ABR: variants seen among roughly 807,000 people sequenced by gnomAD.
The protein encoded by ABR is ABR activator of RhoGEF and GTPase, also known as active breakpoint cluster region-related protein.
ABR carries 35 observed loss-of-function variants against 107.2 expected under a neutral mutation model. That is an observed-to-expected ratio of 0.33 (90% CI 0.25 to 0.43). ABR has a LOEUF of 0.43. Ranked by LOEUF, ABR falls within the 20% of genes least tolerant of loss-of-function variation. The probability of loss-of-function intolerance (pLI) is 1.00; values close to 1 mark genes in which losing one functional copy is unlikely to be tolerated. For synonymous variants in ABR, 498 were observed against 462.0 expected (o/e 1.08, Z -1.00); for missense variants, 815 against 1,115.2 (o/e 0.73, Z 3.83).
rs1004005787 is a variant in ABR, at chr17:1,178,653, T to G, written c.61+1014A>C. On this transcript the variant is annotated intron_variant, in intron 1 of 22. Coordinates refer to ENST00000302538, the MANE Select transcript of ABR (RefSeq NM_021962.5). ...GAACCAGGCTCCACGTGGCCCCACGTGCCTCCCCCAACTCCTGCCTGGGAG... is the reference window on the plus strand; with the variant it reads ...GAACCAGGCTCCACGTGGCCCCACGGGCCTCCCCCAACTCCTGCCTGGGAG... Among the ~76,000 whole-genome samples, 7 of 151,788 alleles carry G rather than the reference T, an allele frequency of 4.6e-5. No homozygotes were observed. The East Asian group carries it at 5.8e-4, about 13-fold the overall frequency.
chr17:1,146,891 C>CACCA (rs1567824447), intron 1 of ABR, among the ~76,000 whole-genome samples: 1 of 144,390 alleles, frequency 6.9e-6, no homozygotes, highest in Non-Finnish European at 1.5e-5. Flanking sequence ...ACACCACTGC[C>CACCA]GCCACTGCCA....
intron 1 of ABR, among the ~76,000 whole-genome samples, chr17:1,178,661 C>G (rs73277384): frequency 0.032 from 4,854 of 152,218 alleles, 241 homozygotes; most frequent in African/African-American, 0.11. Flanking sequence ...CGTGCCTCCC[C>G]CAACTCCTGC....
intron 1 of ABR, among the ~76,000 whole-genome samples, chr17:1,173,306 A>C (rs1259452003): frequency 9.3e-5 from 7 of 75,630 alleles, no homozygotes; most frequent in South Asian, 4.3e-4. Flanking sequence ...ACCTCAGTCC[A>C]CCCCCCCCAT....
chr17:1,104,691 C>T (rs1246549772), intron 2 of ABR, among the ~76,000 whole-genome samples: 1 of 152,222 alleles, frequency 6.6e-6, no homozygotes, highest in East Asian at 1.9e-4. Context: ...GTAGAGGCAT[C>T]GAGAGACCCT....
intron 1 of ABR, among the ~76,000 whole-genome samples, chr17:1,218,695 G>A: frequency 6.6e-6 from 1 of 152,178 alleles, no homozygotes; most frequent in East Asian, 1.9e-4. Flanking sequence ...ATTATAGTCA[G>A]CTGTCCCCAA....
intron 16 of ABR, among the ~76,000 whole-genome samples, chr17:1,036,268 G>A (rs1305296222): frequency 6.6e-6 from 1 of 152,204 alleles, no homozygotes; most frequent in African/African-American, 2.4e-5. Context: ...GATAGCCTGG[G>A]AGCCAGTTGG....
intron 8 of ABR, among the ~76,000 whole-genome samples, chr17:1,072,062 C>T (rs909303737): frequency 6.6e-6 from 1 of 152,206 alleles, no homozygotes; most frequent in Non-Finnish European, 1.5e-5. Flanking sequence ...CGCCACCACG[C>T]CCAGCTAATT....
chr17:1,215,493 G>A (rs1249188795), intron 1 of ABR, among the ~76,000 whole-genome samples: 1 of 152,158 alleles, frequency 6.6e-6, no homozygotes, highest in Non-Finnish European at 1.5e-5. Context: ...TGCCAGCCTC[G>A]GCCTCCCGAG....
In ABR at chr17:1,150,478, G is replaced by A. The variant is rs932294379; in HGVS notation, c.62-25111C>T. 2.0e-5 allele frequency among the ~76,000 whole-genome samples: 3 copies of A among 152,190 alleles called. No individual in the cohort carries two copies. Among genetic ancestry groups the A allele is most frequent in the African/African-American group, 4.8e-5 (2 of 41,446 alleles). On this transcript the variant is annotated intron_variant, in intron 1 of 22. Coordinates refer to ENST00000302538, the MANE Select transcript of ABR (RefSeq NM_021962.5). This position sits in a 1 kb window ranked among gnomAD's most constrained non-coding sequence, Gnocchi z 4.8. ...ACAAAGAGGAGGGTGGTGGCCAGGA[G>A]CTGCAAGCAGCGGCACACGTGTGGG...
intron 2 of ABR, among the ~76,000 whole-genome samples, chr17:1,124,078 G>C (rs1204469184): frequency 6.6e-6 from 1 of 152,172 alleles, no homozygotes; most frequent in Non-Finnish European, 1.5e-5. Context: ...CCCCCAAGTG[G>C]GAAGCCCGTT....
At chr17:1,049,312 C>T (rs1251817499) in intron 16 of ABR, among the ~76,000 whole-genome samples, 12 of 152,104 alleles carry the variant, frequency 7.9e-5, no homozygotes, top group Admixed American at 7.9e-4. Context: ...GGATTACAGG[C>T]GCCCGCCACC....
chr17:1,146,613 ACACCACTGCCACCACTGCCACATGC>A (rs1462930179), intron 1 of ABR, among the ~76,000 whole-genome samples: 4 of 148,290 alleles, frequency 2.7e-5, no homozygotes, highest in Admixed American at 6.7e-5. Context: ...CTGCCACATG[ACACCACTGCCACCACTGCCACATGC>A]CACCACTGCC....
intron 16 of ABR, among the ~76,000 whole-genome samples, chr17:1,034,299 C>G (rs1007487034): frequency 4.6e-5 from 7 of 152,142 alleles, no homozygotes; most frequent in Non-Finnish European, 7.3e-5. Flanking sequence ...TGGCTGCGTG[C>G]CCGACCCTGG....
chr17:1,198,104 C>A (rs141444404), intron 1 of ABR, among the ~76,000 whole-genome samples: 1 of 151,696 alleles, frequency 6.6e-6, no homozygotes, highest in African/African-American at 2.4e-5. Context: ...TATCTGCCCC[C>A]TGCCACAACT....
chr17:1,076,725 G>C (rs1242641267), intron 6 of ABR, among the ~76,000 whole-genome samples: 9 of 128,808 alleles, frequency 7.0e-5, no homozygotes, highest in African/African-American at 2.6e-4. Flanking sequence ...GGGGGGGGTG[G>C]GGGTGGGGGG....
At chr17:1,186,495 C>T (rs894792731) in intron 1 of ABR, among the ~76,000 whole-genome samples, 2 of 152,254 alleles carry the variant, frequency 1.3e-5, no homozygotes, top group African/African-American at 4.8e-5. Flanking sequence ...AGCACAGTGA[C>T]ATCAGGTCCT....
At chr17:1,181,490 G>A (rs1445100209), upstream of ABR, among the ~76,000 whole-genome samples, 3 of 152,150 alleles carry the variant, frequency 2.0e-5, no homozygotes, top group African/African-American at 4.8e-5. Flanking sequence ...AGGCACCAGC[G>A]CTGTCTCTTG....
intron 1 of ABR, among the ~76,000 whole-genome samples, chr17:1,197,106 CAGAGGGT>C (rs1195892694): frequency 6.6e-6 from 1 of 151,532 alleles, no homozygotes; most frequent in Non-Finnish European, 1.5e-5. Flanking sequence ...TGCAACGCTC[CAGAGGGT>C]ATCGGATCTC....
intron 1 of ABR, among the ~76,000 whole-genome samples, chr17:1,206,895 G>T (rs958239482): frequency 1.3e-5 from 2 of 152,132 alleles, no homozygotes; most frequent in African/African-American, 4.8e-5. Context: ...GACCACCCTG[G>T]CCAACATGGT....
Sources: allele counts gnomAD v4.1 joint callset (sites outside exome capture counted in the v4.1 genomes callset), GRCh38; gene constraint gnomAD v4.1.1; non-coding constraint Gnocchi (gnomAD v3.1); transcripts MANE v1.5; gene names NCBI Gene and HGNC (gene_info 2026-07-23, HGNC 2026-07-21).